The following MYO5C variants were observed in gnomAD, a reference collection of about 807,000 sequenced individuals.
The protein encoded by MYO5C is myosin VC, also known as unconventional myosin-Vc.
Under a neutral mutation model 235.7 loss-of-function variants are expected in MYO5C, and 194 were observed. That is an observed-to-expected ratio of 0.82 (90% CI 0.73 to 0.93). The LOEUF (loss-of-function observed/expected upper bound fraction) is 0.93, where lower values mean the gene tolerates loss of function less well. Ranked by LOEUF, MYO5C falls within the 40% of genes least tolerant of loss-of-function variation. The pLI is 0.00. For missense variants in MYO5C, 2,038 were observed against 2,127.2 expected, an observed-to-expected ratio of 0.96 and a Z score of 0.82; for synonymous variants, 707 against 754.8, an observed-to-expected ratio of 0.94 and a Z score of 1.04.
rs1312853334 is a variant in MYO5C at position 52,233,288 on chromosome 15, AAAAAAAAAATT to A, written c.2963-614_2963-604del. Among the ~76,000 whole-genome samples, 41 of 12,690 alleles carry A rather than the reference AAAAAAAAAATT, an allele frequency of 3.2e-3. 10 individuals carry two copies. The highest frequency in any genetic ancestry group is 4.3e-3 in the African/African-American group (39 of 8,970). 8.3% of individuals were successfully genotyped at this position (12,690 alleles called of 152,430 possible). A position where few individuals can be genotyped will look rare whatever the true frequency, so the allele number is the denominator to read the frequency against. On this transcript the variant is annotated intron_variant, in intron 23 of 40. Transcript: ENST00000261839. The stretch of plus-strand genomic sequence containing the variant: ...AGCGAGACTCCGTCTCAAAAAAAAA[AAAAAAAAAATT>A]AAAAAAAAAAAAAAATAAATAAATA...
intron 5 of MYO5C, among the ~76,000 whole-genome samples, chr15:52,274,540 A>T (rs1420259970): frequency 1.3e-5 from 2 of 152,200 alleles, no homozygotes; most frequent in African/African-American, 4.8e-5. Flanking sequence ...CAGCCTCCCA[A>T]AGTGCAGGAT....
intron 7 of MYO5C, among the ~76,000 whole-genome samples, chr15:52,270,592 A>G (rs1211713857): frequency 6.6e-6 from 1 of 151,422 alleles, no homozygotes; most frequent in African/African-American, 2.4e-5. Flanking sequence ...ATATATATGT[A>G]TATATACACA....
chr15:52,292,160 C>A (rs1315299798), intron 1 of MYO5C, among the ~76,000 whole-genome samples: 1 of 152,116 alleles, frequency 6.6e-6, no homozygotes, highest in Non-Finnish European at 1.5e-5. Context: ...TGCTGTTTTA[C>A]CATGTGAATC....
chr15:52,232,914 T>G (rs777305573), intron 23 of MYO5C, among the ~76,000 whole-genome samples: 7 of 152,220 alleles, frequency 4.6e-5, no homozygotes, highest in Non-Finnish European at 1.0e-4. Flanking sequence ...ATAAATAGTT[T>G]CATTTATAGT....
chr15:52,273,923 A>G (rs2036981155), intron 5 of MYO5C, among the ~76,000 whole-genome samples: 1 of 151,984 alleles, frequency 6.6e-6, no homozygotes, highest in South Asian at 2.1e-4. Context: ...CTTTATTCCA[A>G]TCCCTACTCC....
chr15:52,295,565 C>A, intron 1 of MYO5C, 45 bp downstream of exon 1: 1 of 1,497,542 alleles, frequency 6.7e-7, no homozygotes, highest in South Asian at 1.3e-5. Context: ...GTTAGCAGGG[C>A]CGGCTCCCCC....
intron 10 of MYO5C, among the ~76,000 whole-genome samples, chr15:52,257,063 A>G (rs181935517): frequency 2.1e-4 from 32 of 152,340 alleles, no homozygotes; most frequent in Non-Finnish European, 2.8e-4. Flanking sequence ...AGAGGTTAAG[A>G]AACTTGCCAA....
chr15:52,256,580 C>CAA, intron 11 of MYO5C, 59 bp downstream of exon 11: 1 of 980,110 alleles, frequency 1.0e-6, no homozygotes, highest in Non-Finnish European at 1.5e-6. Context: ...CACACACACA[C>CAA]ACACACACGC....
intron 40 of MYO5C, among the ~76,000 whole-genome samples, chr15:52,194,334 T>G (rs2034999514): frequency 6.6e-6 from 1 of 152,262 alleles, no homozygotes; most frequent in Non-Finnish European, 1.5e-5. Flanking sequence ...TTCTAATCTA[T>G]TCTCATGGCA....
rs938182427 is a variant in MYO5C, at chr15:52,279,117, C to A, written c.305-100G>T. The stretch of plus-strand genomic sequence containing the variant: ...ACCCCAGCTCTGTCGCTTATTAAAC[C>A]TTCTGTGTGACTTTGGGCAAGTCAC... On this transcript the variant is annotated intron_variant, in intron 3 of 40. Coordinates refer to ENST00000261839, the MANE Select transcript of MYO5C (RefSeq NM_018728.4). The A allele has an allele frequency of 1.6e-5, 21 of 1,290,020 alleles. No homozygotes were observed. The African/African-American group carries it at 2.7e-4, about 16-fold the overall frequency. The allele number at this position is 1,290,020 out of a possible 1,614,324, so 79.9% of individuals were successfully genotyped here.
intron 25 of MYO5C, among the ~76,000 whole-genome samples, chr15:52,227,321 A>T (rs1253043922): frequency 1.4e-5 from 2 of 148,114 alleles, no homozygotes; most frequent in Admixed American, 6.7e-5. Context: ...CAGCCTCCCG[A>T]GTAGCTGGGA....
At chr15:52,212,054 C>G (rs1197153015) in intron 34 of MYO5C, among the ~76,000 whole-genome samples, 170 bp from the exon 35 acceptor site, 1 of 152,210 alleles carries the variant, frequency 6.6e-6, no homozygotes, top group Non-Finnish European at 1.5e-5. Context: ...TTTCTTGGCA[C>G]AAGATACACA....
rs955026533 is a variant in MYO5C at position 52,285,882 on chromosome 15, G to A, written c.28-2990C>T. Among the ~76,000 whole-genome samples, 11 of 152,302 alleles carry A rather than the reference G, an allele frequency of 7.2e-5. 1 individual carries two copies. The South Asian group carries it at 2.1e-3, about 29-fold the overall frequency. Reference sequence around the variant, plus strand: ...AGTGCCGAGATTGCAGCCTCTGCCCGGCCGCCACCCCATCTGGGAAGTGAG... The same window carrying A: ...AGTGCCGAGATTGCAGCCTCTGCCCAGCCGCCACCCCATCTGGGAAGTGAG... On this transcript the variant is annotated intron_variant, in intron 1 of 40. Coordinates refer to ENST00000261839, the MANE Select transcript of MYO5C (RefSeq NM_018728.4).
At chr15:52,289,679 G>A (rs765685497) in intron 1 of MYO5C, among the ~76,000 whole-genome samples, 3 of 151,756 alleles carry the variant, frequency 2.0e-5, no homozygotes, top group Admixed American at 1.3e-4. Context: ...GGCTGAGCAC[G>A]AGGTTTCTTT....
At position 52,211,978 on chromosome 15, in the gene MYO5C, T is replaced by G. The variant is rs1254137092; in HGVS notation, c.4142-94A>C. 6 of 1,332,208 alleles carry G rather than the reference T, an allele frequency of 4.5e-6. No individual in the cohort carries two copies. In the South Asian group the frequency reaches 8.4e-5, roughly 19 times the overall value. 82.5% of individuals were successfully genotyped at this position (1,332,208 alleles called of 1,614,324 possible). On this transcript the variant is annotated intron_variant, in intron 34 of 40. Coordinates refer to ENST00000261839, the MANE Select transcript of MYO5C (RefSeq NM_018728.4). ...AGGGGCAGGGGCTTGTTTGCTTTTC[T>G]GTGCTTGACACAGTGCCTGAATGTA...
At position 52,250,304 on chromosome 15, in the gene MYO5C, G is replaced by A. The variant is rs566261275; in HGVS notation, c.1662+1086C>T. On this transcript the variant is annotated intron_variant, in intron 13 of 40. Coordinates refer to ENST00000261839, the MANE Select transcript of MYO5C (RefSeq NM_018728.4). ...GTCAGCCAGGCTGGAGTGCAGTGGC[G>A]TGATCTTGGCTCAATGCAACCTCCG... Among the ~76,000 whole-genome samples the A allele has an allele frequency of 1.3e-3, 183 of 141,492 alleles. 1 individual carries two copies. The highest frequency in any genetic ancestry group is 4.2e-3 in the African/African-American group (161 of 38,002). The allele number at this position is 141,492 out of a possible 152,430, so 92.8% of individuals were successfully genotyped here. A position where few individuals can be genotyped will look rare whatever the true frequency, so the allele number is the denominator to read the frequency against.
intron 8 of MYO5C, among the ~76,000 whole-genome samples, chr15:52,268,102 T>G (rs1292236240): frequency 1.3e-5 from 2 of 152,244 alleles, no homozygotes; most frequent in African/African-American, 4.8e-5. Flanking sequence ...GAAAACCATC[T>G]TGTTTTCATT....
chr15:52,194,475 CA>C (rs1352633116), intron 40 of MYO5C, among the ~76,000 whole-genome samples: 1 of 152,078 alleles, frequency 6.6e-6, no homozygotes, highest in African/African-American at 2.4e-5. Flanking sequence ...ACTGAGGCCC[CA>C]AAAGCTTTTG....
intron 25 of MYO5C, among the ~76,000 whole-genome samples, chr15:52,226,152 T>C (rs995304311): frequency 3.3e-5 from 5 of 151,902 alleles, no homozygotes; most frequent in Non-Finnish European, 7.4e-5. Flanking sequence ...AAAGGTAAAA[T>C]CACGGGCTAA....
Sources: allele counts gnomAD v4.1 joint callset (sites outside exome capture counted in the v4.1 genomes callset), GRCh38; gene constraint gnomAD v4.1.1; transcripts MANE v1.5; gene names NCBI Gene and HGNC (gene_info 2026-07-23, HGNC 2026-07-21).